The following GRIK3 variants were observed in gnomAD, a reference collection of about 807,000 sequenced individuals.
The protein encoded by GRIK3 is glutamate ionotropic receptor kainate type subunit 3.
In GRIK3, 29 loss-of-function variants were observed where a neutral mutation model predicts 102.5. The ratio of observed to expected loss-of-function variants is 0.28; its 90% CI spans 0.21 to 0.39. The LOEUF is 0.39. GRIK3 is among the 10% of genes least tolerant of loss of function. The probability of loss-of-function intolerance (pLI) is 1.00; values close to 1 mark genes in which losing one functional copy is unlikely to be tolerated. For missense variants in GRIK3, 908 were observed against 1,252.4 expected (o/e 0.73, Z 4.15); for synonymous variants, 511 against 504.9 (o/e 1.01, Z -0.16).
At chr1:37,019,779 G>A (rs1436780975) in intron 1 of GRIK3, among the ~76,000 whole-genome samples, 2 of 152,156 alleles carry the variant, frequency 1.3e-5, no homozygotes, top group East Asian at 1.9e-4. Flanking sequence ...TTCCAAAGCA[G>A]ATTTTTCTGA....
In GRIK3 at chr1:36,859,236, G is replaced by C. The variant is rs756083796; in HGVS notation, c.976C>G (p.Leu326Val). Residue 326 changes from leucine to valine, a missense_variant, in exon 7 of 16, where the codon CTG becomes GTG. This residue lies in a region of GRIK3 where 585 missense variants were observed against 824.9 expected (regional missense o/e 0.71). Coordinates refer to ENST00000373091, the MANE Select transcript of GRIK3 (RefSeq NM_000831.4). ...DGVMMTDAALLYDAVHIVSVC... is the reference protein window; with the variant it reads ...DGVMMTDAALVYDAVHIVSVC... ...GACACGATATGGACGGCGTCGTACA[G>C]TAAGGCTGCATCAGTCTGCAGGGAA... 6.2e-7 allele frequency: 1 copy of C among 1,610,712 alleles called. No homozygotes were observed. Among genetic ancestry groups the C allele is most frequent in the Non-Finnish European group, 8.5e-7 (1 of 1,177,662 alleles).
At chr1:36,910,899 G>C (rs746538886) in intron 1 of GRIK3, among the ~76,000 whole-genome samples, 7 of 152,152 alleles carry the variant, frequency 4.6e-5, no homozygotes, top group Non-Finnish European at 1.0e-4. Context: ...TGAGTGGGGG[G>C]GCATAACTCA....
Position 36,963,248 on chromosome 1 carries a change from C to G in GRIK3, c.115+70746G>C, listed in dbSNP as rs1427374852. Among the ~76,000 whole-genome samples, 5 of 152,238 alleles carry G rather than the reference C, an allele frequency of 3.3e-5. No homozygotes were observed. The East Asian group carries it at 7.7e-4, about 24-fold the overall frequency. ...TCCTTTGCCTCCTGCCCACTTGGCT[C>G]CATAAGTACGTCTGGGGGAGGCAAG... is the stretch of plus-strand genomic sequence containing the variant. On this transcript the variant is annotated intron_variant, in intron 1 of 15. Coordinates refer to ENST00000373091, the MANE Select transcript of GRIK3 (RefSeq NM_000831.4).
chr1:37,016,342 T>C (rs1279290233), intron 1 of GRIK3, among the ~76,000 whole-genome samples: 1 of 152,180 alleles, frequency 6.6e-6, no homozygotes, highest in Non-Finnish European at 1.5e-5. Flanking sequence ...TCAGATTCCT[T>C]ATCTGGAAAG....
At chr1:36,837,392 C>T (rs578212152) in intron 10 of GRIK3, among the ~76,000 whole-genome samples, 1 of 152,136 alleles carries the variant, frequency 6.6e-6, no homozygotes. Context: ...AATTCCATGC[C>T]CTGTCCGCAA....
chr1:36,824,928 A>G lies in GRIK3; in HGVS notation c.1754+675T>C, dbSNP rs549625827. On this transcript the variant is annotated intron_variant, in intron 11 of 15. Coordinates refer to ENST00000373091, the MANE Select transcript of GRIK3 (RefSeq NM_000831.4). ...TCTCCTCTTTAAGGGAGGCTGGAAG[A>G]ACTAAATAAGATAACAGCTGTAAAG... 2.0e-5 allele frequency among the ~76,000 whole-genome samples: 3 copies of G among 152,300 alleles called. No homozygotes were observed. In the East Asian group the frequency reaches 5.8e-4, roughly 29 times the overall value.
intron 1 of GRIK3, among the ~76,000 whole-genome samples, chr1:37,023,360 G>GA (rs1211285234): frequency 6.6e-6 from 1 of 151,706 alleles, no homozygotes; most frequent in Non-Finnish European, 1.5e-5. Context: ...AAAAAGGAAA[G>GA]AAAAAAGGAA....
chr1:36,809,961 G>A (rs1168855464), intron 13 of GRIK3, among the ~76,000 whole-genome samples: 3 of 152,158 alleles, frequency 2.0e-5, no homozygotes, highest in Admixed American at 2.0e-4. Flanking sequence ...ATCACCTTCA[G>A]GTAGATGTGT....
Position 36,988,152 on chromosome 1 carries a change from G to A in GRIK3, c.115+45842C>T, listed in dbSNP as rs746447686. ...CCAAAAACACAAAAATCAGCTGGGT[G>A]TGGTGGCACGTGCCTGGGATCTCAG... is the stretch of plus-strand genomic sequence containing the variant. On this transcript the variant is annotated intron_variant, in intron 1 of 15. Coordinates refer to ENST00000373091, the MANE Select transcript of GRIK3 (RefSeq NM_000831.4). 1.3e-4 allele frequency among the ~76,000 whole-genome samples: 20 copies of A among 152,204 alleles called. 1 individual carries two copies. Among genetic ancestry groups the A allele is most frequent in the Non-Finnish European group, 7.3e-5 (5 of 68,042 alleles).
chr1:36,896,088 A>T (rs113661611), intron 1 of GRIK3, among the ~76,000 whole-genome samples: 218 of 152,310 alleles, frequency 1.4e-3, no homozygotes, highest in African/African-American at 5.1e-3. Flanking sequence ...AAATCAATGA[A>T]ATTTGTTGCC....
chr1:36,854,398 G>A (rs1467113077), intron 7 of GRIK3, among the ~76,000 whole-genome samples: 2 of 152,244 alleles, frequency 1.3e-5, no homozygotes, highest in Non-Finnish European at 2.9e-5. Context: ...CCCGGCACAA[G>A]ATGAACACTG....
At chr1:36,893,999 T>A (rs1641146317) in intron 1 of GRIK3, among the ~76,000 whole-genome samples, 1 of 152,208 alleles carries the variant, frequency 6.6e-6, no homozygotes, top group African/African-American at 2.4e-5. Flanking sequence ...AAACCTTTAT[T>A]ATTTTTGATA....
At chr1:37,032,527 A>T (rs1448614929) in intron 1 of GRIK3, among the ~76,000 whole-genome samples, 1 of 152,152 alleles carries the variant, frequency 6.6e-6, no homozygotes, top group Non-Finnish European at 1.5e-5. Context: ...GAATGGTGCC[A>T]GGCTGGGCTT....
At chr1:36,863,348 T>A (rs1222712199) in intron 5 of GRIK3, among the ~76,000 whole-genome samples, 11 of 152,162 alleles carry the variant, frequency 7.2e-5, no homozygotes, top group Non-Finnish European at 1.5e-5. Flanking sequence ...AAGGTATAAA[T>A]CCAAGCCTGT....
intron 8 of GRIK3, among the ~76,000 whole-genome samples, chr1:36,851,537 G>T (rs370425576): frequency 6.6e-6 from 1 of 152,268 alleles, no homozygotes; most frequent in African/African-American, 2.4e-5. Context: ...TGCAGGAGGT[G>T]CTTGGCAAAC....
At position 36,880,987 on chromosome 1, in the gene GRIK3, G is replaced by T. The variant is rs1640969574; in HGVS notation, c.293-96C>A. ...ATCCTGTAAACATGTGGGAAAAACA[G>T]CAACTGGAACCCTCGGTGGGTGCAC... On this transcript the variant is annotated intron_variant, in intron 2 of 15. Transcript: ENST00000373091. The surrounding 1 kb of genome is among the most constrained non-coding windows in gnomAD (Gnocchi z 5.4). 2 of 1,349,708 alleles carry T rather than the reference G, an allele frequency of 1.5e-6. No individual in the cohort carries two copies. Among genetic ancestry groups the T allele is most frequent in the African/African-American group, 1.4e-5 (1 of 69,274 alleles). 83.6% of individuals were successfully genotyped at this position (1,349,708 alleles called of 1,614,324 possible). A position where few individuals can be genotyped will look rare whatever the true frequency, so the allele number is the denominator to read the frequency against.
chr1:36,845,993 C>A (rs2124221567), intron 9 of GRIK3, among the ~76,000 whole-genome samples: 1 of 152,360 alleles, frequency 6.6e-6, no homozygotes, highest in Admixed American at 6.5e-5. Context: ...TGGTCCTACA[C>A]CCACCCACAC....
intron 1 of GRIK3, among the ~76,000 whole-genome samples, chr1:36,914,710 A>G (rs1234350261): frequency 2.0e-5 from 3 of 152,202 alleles, no homozygotes; most frequent in Admixed American, 6.5e-5. Context: ...AAACTATTTG[A>G]TCTACTCAGC....
At chr1:37,029,505 G>T (rs752728534) in intron 1 of GRIK3, among the ~76,000 whole-genome samples, 3 of 152,200 alleles carry the variant, frequency 2.0e-5, no homozygotes, top group Non-Finnish European at 4.4e-5. Flanking sequence ...TAGAGGAGGC[G>T]CCACCTCAGC....
Sources: gnomAD v4.1 joint callset for allele counts (sites outside exome capture counted in the v4.1 genomes callset) on GRCh38, gnomAD v4.1.1 for gene constraint, gnomAD v4.1.1 regional missense constraint, Gnocchi (gnomAD v3.1) non-coding constraint, MANE v1.5 for transcripts, NCBI Gene and HGNC (gene_info 2026-07-23, HGNC 2026-07-21) for gene names.